The following DPP10 variants were observed in gnomAD, a reference collection of about 807,000 sequenced individuals.
The protein encoded by DPP10 is dipeptidyl peptidase like 10.
DPP10 carries 33 observed loss-of-function variants against 120.9 expected under a neutral mutation model. The ratio of observed to expected loss-of-function variants is 0.27; its 90% CI spans 0.21 to 0.37. The LOEUF is 0.37. DPP10 is among the 10% of genes least tolerant of loss of function. DPP10 has a pLI of 1.00. For missense variants in DPP10, 816 were observed against 942.8 expected, an observed-to-expected ratio of 0.87 and a Z score of 1.76; for synonymous variants, 337 against 326.1, an observed-to-expected ratio of 1.03 and a Z score of -0.36.
At chr2:115,615,572 GA>G (rs948864120) in intron 5 of DPP10, among the ~76,000 whole-genome samples, 1 of 151,758 alleles carries the variant, frequency 6.6e-6, no homozygotes, top group African/African-American at 2.4e-5. Flanking sequence ...TTTTTATTAA[GA>G]AAAAAAGCAG....
At chr2:115,077,125 T>C (rs1707869436) in intron 1 of DPP10, among the ~76,000 whole-genome samples, 1 of 152,204 alleles carries the variant, frequency 6.6e-6, no homozygotes. Context: ...CCTGATTCTT[T>C]CCATGCGAGC....
At chr2:115,270,117 CACACACACAA>C (rs1253741434) in intron 1 of DPP10, among the ~76,000 whole-genome samples, 120 of 144,494 alleles carry the variant, frequency 8.3e-4, no homozygotes, top group African/African-American at 3.0e-3. Flanking sequence ...CACACACAGA[CACACACACAA>C]ACACTTATTT....
intron 1 of DPP10, among the ~76,000 whole-genome samples, chr2:114,627,544 T>C (rs1333601439): frequency 5.9e-5 from 9 of 152,082 alleles, no homozygotes; most frequent in Non-Finnish European, 1.2e-4. Flanking sequence ...AAGAGAGCTC[T>C]ATGGTCTTAC....
intron 1 of DPP10, among the ~76,000 whole-genome samples, chr2:114,460,183 A>G (rs976138868): frequency 5.4e-5 from 8 of 147,346 alleles, no homozygotes; most frequent in Admixed American, 1.3e-4. Context: ...CTATCTATCT[A>G]TCTATCTATC....
intron 1 of DPP10, among the ~76,000 whole-genome samples, chr2:114,548,574 T>G (rs2104853172): frequency 6.6e-6 from 1 of 152,310 alleles, no homozygotes; most frequent in South Asian, 2.1e-4. Flanking sequence ...TGAGCGAGTC[T>G]TTTCCTGGGC....
chr2:114,581,365 A>G (rs1690510948), intron 1 of DPP10, among the ~76,000 whole-genome samples: 1 of 151,754 alleles, frequency 6.6e-6, no homozygotes, highest in African/African-American at 2.4e-5. Flanking sequence ...TTGTATTTTT[A>G]GTAGAGATGG....
At chr2:115,127,395 A>G (rs1354923585) in intron 1 of DPP10, among the ~76,000 whole-genome samples, 1 of 152,220 alleles carries the variant, frequency 6.6e-6, no homozygotes, top group Non-Finnish European at 1.5e-5. Flanking sequence ...CTGCTGCAGT[A>G]TGGTGCTTAG....
At chr2:114,715,840 A>G (rs1337941073) in intron 1 of DPP10, among the ~76,000 whole-genome samples, 2 of 152,062 alleles carry the variant, frequency 1.3e-5, no homozygotes, top group Admixed American at 1.3e-4. Context: ...ATGTATCACT[A>G]AATAATATAC....
chr2:114,454,236 C>A (rs1678440781), intron 1 of DPP10, among the ~76,000 whole-genome samples: 1 of 152,108 alleles, frequency 6.6e-6, no homozygotes, highest in Non-Finnish European at 1.5e-5. Context: ...GGGAGGGTAC[C>A]ACCACTACCA....
At chr2:115,253,457 A>G (rs1310207235) in intron 1 of DPP10, among the ~76,000 whole-genome samples, 1 of 152,120 alleles carries the variant, frequency 6.6e-6, no homozygotes, top group Non-Finnish European at 1.5e-5. Context: ...CCTAAGTCCA[A>G]AGTTCCATCT....
At chr2:115,714,584 C>G (rs1295633128) in intron 7 of DPP10, among the ~76,000 whole-genome samples, 1 of 152,144 alleles carries the variant, frequency 6.6e-6, no homozygotes, top group Non-Finnish European at 1.5e-5. Flanking sequence ...GTATCTTGAC[C>G]CCACTCTTTC....
intron 3 of DPP10, among the ~76,000 whole-genome samples, chr2:115,490,435 G>T (rs1344734726): frequency 6.6e-6 from 1 of 152,040 alleles, no homozygotes; most frequent in Non-Finnish European, 1.5e-5. Flanking sequence ...GACACATGGG[G>T]ATTATAAGGA....
chr2:114,852,921 C>T (rs1311964924), intron 1 of DPP10, among the ~76,000 whole-genome samples: 1 of 152,146 alleles, frequency 6.6e-6, no homozygotes, highest in Non-Finnish European at 1.5e-5. Flanking sequence ...AGAAGTAATG[C>T]CTGATCTCTC....
intron 1 of DPP10, among the ~76,000 whole-genome samples, chr2:114,909,838 A>G (rs1231816193): frequency 1.3e-5 from 2 of 152,012 alleles, no homozygotes; most frequent in African/African-American, 4.8e-5. Context: ...TTACAGAGAA[A>G]GTTTAAAAGG....
At chr2:114,835,756 G>T (rs1054715674) in intron 1 of DPP10, among the ~76,000 whole-genome samples, 5 of 152,084 alleles carry the variant, frequency 3.3e-5, no homozygotes, top group African/African-American at 1.2e-4. Context: ...TACCTGTCAT[G>T]TGCCCAGTAA....
At chr2:115,261,905 C>A (rs1417194753) in intron 1 of DPP10, among the ~76,000 whole-genome samples, 3 of 152,168 alleles carry the variant, frequency 2.0e-5, no homozygotes, top group Admixed American at 6.5e-5. Flanking sequence ...TTAAATTAAA[C>A]AGGATCTCAG....
chr2:114,944,177 G>A (rs775007889), intron 1 of DPP10, among the ~76,000 whole-genome samples: 2 of 152,010 alleles, frequency 1.3e-5, no homozygotes, highest in Admixed American at 6.6e-5. Context: ...CTTTCCCTGG[G>A]TATGCACATT....
chr2:114,599,532 C>G (rs1228583646), intron 1 of DPP10, among the ~76,000 whole-genome samples: 2 of 151,644 alleles, frequency 1.3e-5, no homozygotes, highest in Non-Finnish European at 3.0e-5. Flanking sequence ...AAATTTATCC[C>G]TGTGGTTTGG....
At chr2:115,238,759 T>G (rs2058122645) in intron 1 of DPP10, among the ~76,000 whole-genome samples, 1 of 152,172 alleles carries the variant, frequency 6.6e-6, no homozygotes, top group Non-Finnish European at 1.5e-5. Flanking sequence ...TTTAGAATAT[T>G]ATATAAAGTT....
Sources: gnomAD v4.1 joint callset for allele counts (sites outside exome capture counted in the v4.1 genomes callset) on GRCh38, gnomAD v4.1.1 for gene constraint, MANE v1.5 for transcripts, NCBI Gene and HGNC (gene_info 2026-07-23, HGNC 2026-07-21) for gene names.